SLC14A2: variants seen among roughly 807,000 people sequenced by gnomAD.
SLC14A2 encodes the protein urea transporter 2.
In SLC14A2, 91 loss-of-function variants were observed where a neutral mutation model predicts 104.6. The observed-to-expected ratio is 0.87, with a 90% CI of 0.73 to 1.04. The LOEUF is 1.04. Ranked by LOEUF, SLC14A2 falls within the 50% of genes least tolerant of loss-of-function variation. The pLI is 0.00. For synonymous variants in SLC14A2, 476 were observed against 466.4 expected (o/e 1.02, Z -0.27); for missense variants, 1,189 against 1,156.0 (o/e 1.03, Z -0.41).
chr18:45,207,779 C>T, the SLC14A2 span, among the ~76,000 whole-genome samples: 1 of 151,826 alleles, frequency 6.6e-6, no homozygotes, highest in Non-Finnish European at 1.5e-5. Flanking sequence ...GTTAGAAATA[C>T]TTCTAGTATT....
At chr18:45,239,771 A>C (rs1354953117) in intron 1 of SLC14A2, among the ~76,000 whole-genome samples, 1 of 152,184 alleles carries the variant, frequency 6.6e-6, no homozygotes, top group Admixed American at 6.5e-5. Context: ...AGAAAAACAA[A>C]ATGCAAAATT....
chr18:45,171,977 A>T, the SLC14A2 span, among the ~76,000 whole-genome samples: 165 of 152,256 alleles, frequency 1.1e-3, no homozygotes, highest in Middle Eastern at 6.8e-3. Flanking sequence ...TTTTCTCCTG[A>T]GTTCTGGTAG....
intron 1 of SLC14A2, among the ~76,000 whole-genome samples, chr18:45,380,842 C>G (rs956941739): frequency 2.0e-5 from 3 of 152,226 alleles, no homozygotes; most frequent in African/African-American, 4.8e-5. Flanking sequence ...TGTTTAACTA[C>G]TTGTTGACCT....
chr18:45,676,143 T>A (rs965923082), intron 18 of SLC14A2, among the ~76,000 whole-genome samples: 1 of 152,192 alleles, frequency 6.6e-6, no homozygotes, highest in Non-Finnish European at 1.5e-5. Flanking sequence ...GTCATTTATA[T>A]TATTAAATTG....
At chr18:45,439,641 A>T (rs904828987) in intron 1 of SLC14A2, among the ~76,000 whole-genome samples, 1 of 152,192 alleles carries the variant, frequency 6.6e-6, no homozygotes, top group Non-Finnish European at 1.5e-5. Flanking sequence ...CTAAATAATT[A>T]TACACTGGTC....
intron 2 of SLC14A2, among the ~76,000 whole-genome samples, chr18:45,532,383 C>G (rs1469718102): frequency 2.0e-5 from 3 of 151,804 alleles, no homozygotes; most frequent in African/African-American, 2.4e-5. Context: ...TCATTGAGCA[C>G]TGGTTTGTAG....
chr18:45,659,884 G>T (rs2045906927), intron 10 of SLC14A2, among the ~76,000 whole-genome samples: 1 of 151,690 alleles, frequency 6.6e-6, no homozygotes, highest in South Asian at 2.1e-4. Context: ...TGGCATTTTG[G>T]GAGGCCGAGG....
At chr18:45,586,213 G>A (rs2044565192) in intron 2 of SLC14A2, among the ~76,000 whole-genome samples, 2 of 152,332 alleles carry the variant, frequency 1.3e-5, no homozygotes, top group South Asian at 4.1e-4. Context: ...AGGTGAGGTG[G>A]TCACAGAAGG....
chr18:45,458,904 G>T (rs912610902), intron 1 of SLC14A2, among the ~76,000 whole-genome samples: 1 of 152,118 alleles, frequency 6.6e-6, no homozygotes, highest in Non-Finnish European at 1.5e-5. Flanking sequence ...TTGGTGCAAT[G>T]AATATACTGA....
chr18:45,530,846 C>A (rs2043673699), intron 2 of SLC14A2, among the ~76,000 whole-genome samples: 1 of 151,996 alleles, frequency 6.6e-6, no homozygotes, highest in Non-Finnish European at 1.5e-5. Flanking sequence ...CTATCCCTCC[C>A]CACTCCCCCC....
chr18:45,329,040 A>T (rs910139532), intron 1 of SLC14A2, among the ~76,000 whole-genome samples: 2 of 152,310 alleles, frequency 1.3e-5, no homozygotes, highest in Admixed American at 1.3e-4. Context: ...AAAACTGTGA[A>T]ATTTTCTACA....
chr18:45,677,271 A>G (rs1446018911), intron 18 of SLC14A2, among the ~76,000 whole-genome samples: 1 of 152,190 alleles, frequency 6.6e-6, no homozygotes, highest in Non-Finnish European at 1.5e-5. Flanking sequence ...GACAGAATGA[A>G]TCCTTTGGCT....
At chr18:45,220,598 A>G (rs2084052304) in intron 1 of SLC14A2, among the ~76,000 whole-genome samples, 1 of 152,196 alleles carries the variant, frequency 6.6e-6, no homozygotes, top group South Asian at 2.1e-4. Flanking sequence ...GGACAGGGTA[A>G]GAAGCCATTT....
intron 1 of SLC14A2, among the ~76,000 whole-genome samples, chr18:45,344,815 C>T (rs1336782188): frequency 1.3e-5 from 2 of 152,172 alleles, no homozygotes; most frequent in African/African-American, 4.8e-5. Flanking sequence ...ATGCATGACC[C>T]GTCACGTAAA....
At position 45,408,657 on chromosome 18, in the gene SLC14A2, T is replaced by A. The variant is rs79151479; in HGVS notation, c.-124-74576T>A. On this transcript the variant is annotated intron_variant, in intron 1 of 20. Coordinates refer to the SLC14A2 transcript ENST00000586448. ...GCCATTAATTAATACAGCGGGGAAG[T>A]CTGCAATTCTTATCTGTGGACCACA... Among the ~76,000 whole-genome samples the A allele has an allele frequency of 9.2e-3, 1,403 of 152,070 alleles. 17 individuals are homozygous for A. Among genetic ancestry groups the A allele is most frequent in the Middle Eastern group, 0.024 (7 of 294 alleles).
At chr18:45,375,070 T>C (rs2085759854) in intron 1 of SLC14A2, among the ~76,000 whole-genome samples, 1 of 152,218 alleles carries the variant, frequency 6.6e-6, no homozygotes, top group Non-Finnish European at 1.5e-5. Context: ...ACCAACTCCA[T>C]CTTGCTTCTA....
chr18:45,520,698 TC>T (rs2043505161), intron 2 of SLC14A2, among the ~76,000 whole-genome samples: 1 of 152,092 alleles, frequency 6.6e-6, no homozygotes, highest in African/African-American at 2.4e-5. Flanking sequence ...AATTTCAGCA[TC>T]AGAAAATGTG....
intron 19 of SLC14A2, 49 bp from the exon 20 acceptor site, chr18:45,682,270 G>T: frequency 6.4e-7 from 1 of 1,552,108 alleles, no homozygotes; most frequent in Non-Finnish European, 8.9e-7. Context: ...TGATTAAAAT[G>T]CACAGGCACC....
intron 1 of SLC14A2, among the ~76,000 whole-genome samples, chr18:45,460,601 C>T (rs1298482059): frequency 6.6e-6 from 1 of 152,158 alleles, no homozygotes; most frequent in Non-Finnish European, 1.5e-5. Context: ...ATGCTACGTG[C>T]TAAATAAAGG....
Sources: gnomAD v4.1 joint callset for allele counts (sites outside exome capture counted in the v4.1 genomes callset) on GRCh38, gnomAD v4.1.1 for gene constraint, MANE v1.5 for transcripts, NCBI Gene and HGNC (gene_info 2026-07-23, HGNC 2026-07-21) for gene names.